Variants in SLMAP observed in about 807,000 individuals in gnomAD.
SLMAP encodes the protein sarcolemmal membrane-associated protein.
In SLMAP, 44 loss-of-function variants were observed where a neutral mutation model predicts 128.8. The observed-to-expected ratio is 0.34, with a 90% CI of 0.27 to 0.44. The LOEUF is 0.44. Ranked by LOEUF, SLMAP falls within the 20% of genes least tolerant of loss-of-function variation. SLMAP has a pLI of 1.00. For missense variants in SLMAP, 787 were observed against 985.3 expected (o/e 0.80, Z 2.69); for synonymous variants, 327 against 348.8 (o/e 0.94, Z 0.70).
At chr3:57,851,834 T>C (rs926631021) in intron 6 of SLMAP, among the ~76,000 whole-genome samples, 3 of 152,196 alleles carry the variant, frequency 2.0e-5, no homozygotes, top group Admixed American at 1.3e-4. Context: ...TTTTGTGACC[T>C]TGAGTGAGTC....
At position 57,825,663 on chromosome 3, in the gene SLMAP, A is replaced by T. The variant is rs1439509932; in HGVS notation, c.199-5720A>T. On this transcript the variant is annotated intron_variant, in intron 2 of 24. Coordinates refer to ENST00000671191, the MANE Select transcript of SLMAP (RefSeq NM_001377540.1). ...GAGTTCTGAGTTAGGCAAAACAAAGATGAAAGCCTTGCACCAGTTCTTCCT... is the reference window on the plus strand; with the variant it reads ...GAGTTCTGAGTTAGGCAAAACAAAGTTGAAAGCCTTGCACCAGTTCTTCCT... 3.9e-5 allele frequency among the ~76,000 whole-genome samples: 6 copies of T among 152,164 alleles called. No individual in the cohort carries two copies. The East Asian group carries it at 1.2e-3, about 29-fold the overall frequency.
rs1395819653 is a variant in SLMAP at position 57,912,782 on chromosome 3, G to C, written c.2020+81G>C. ...ACTTGTTTAAAAAAGAAACATGCAG[G>C]CTTTTTTTTTCTTTGTTAGCTATCA... On this transcript the variant is annotated intron_variant, in intron 20 of 24. Transcript: ENST00000671191. 5 of 1,109,122 alleles carry C rather than the reference G, an allele frequency of 4.5e-6. No homozygotes were observed. In the African/African-American group the frequency reaches 4.7e-5, roughly 11 times the overall value. The allele number at this position is 1,109,122 out of a possible 1,614,324, so 68.7% of individuals were successfully genotyped here.
chr3:57,865,434 A>G (rs1006019831), intron 13 of SLMAP, 142 bp downstream of exon 13: 134 of 437,412 alleles, frequency 3.1e-4, no homozygotes, highest in Admixed American at 3.5e-4. Flanking sequence ...TTAAAAATCA[A>G]GCTTTCCTTT....
At chr3:57,769,523 C>T (rs1227886182) in intron 2 of SLMAP, among the ~76,000 whole-genome samples, 1 of 152,030 alleles carries the variant, frequency 6.6e-6, no homozygotes, top group African/African-American at 2.4e-5. Context: ...CAAGGTCTCA[C>T]TATGTTGCCC....
Position 57,896,906 on chromosome 3 carries a change from CTCT to C in SLMAP, c.1477_1479del (p.Leu493del). 1 of 1,612,416 alleles carries C rather than the reference CTCT, an allele frequency of 6.2e-7. No homozygotes were observed. Among genetic ancestry groups the C allele is most frequent in the Non-Finnish European group, 8.5e-7 (1 of 1,179,496 alleles). The stretch of plus-strand genomic sequence containing the variant: ...ATGGATGAGCAAGACCTAAATGAGC[CTCT>C]TGCCAAAGTGTCCCTTTTAAAAGGT... On this transcript the variant is annotated inframe_deletion, in exon 17 of 25. Transcript: ENST00000671191.
intron 2 of SLMAP, among the ~76,000 whole-genome samples, chr3:57,780,430 C>A (rs1395001354): frequency 6.6e-6 from 1 of 152,118 alleles, no homozygotes; most frequent in Non-Finnish European, 1.5e-5. Flanking sequence ...CAGGCAAGAA[C>A]CACCATGCCC....
intron 3 of SLMAP, among the ~76,000 whole-genome samples, chr3:57,833,938 AG>A (rs1296242346): frequency 6.6e-6 from 1 of 152,208 alleles, no homozygotes; most frequent in Non-Finnish European, 1.5e-5. Context: ...CCAGAAAAAA[AG>A]TATTGATTTT....
At chr3:57,892,025 T>A (rs1055496203) in intron 15 of SLMAP, among the ~76,000 whole-genome samples, 1 of 152,196 alleles carries the variant, frequency 6.6e-6, no homozygotes, top group Non-Finnish European at 1.5e-5. Flanking sequence ...TGTAAATGAA[T>A]AGAATATATT....
intron 4 of SLMAP, among the ~76,000 whole-genome samples, chr3:57,843,082 G>A (rs1048270208): frequency 6.6e-6 from 1 of 152,092 alleles, no homozygotes; most frequent in East Asian, 1.9e-4. Flanking sequence ...AACTTTAGCT[G>A]TTTCTATTAC....
chr3:57,790,710 TCTC>T (rs1412961880), intron 2 of SLMAP, among the ~76,000 whole-genome samples: 1 of 152,162 alleles, frequency 6.6e-6, no homozygotes, highest in Non-Finnish European at 1.5e-5. Flanking sequence ...GACTAATAAT[TCTC>T]CTGAATTTAT....
intron 2 of SLMAP, among the ~76,000 whole-genome samples, chr3:57,779,606 C>T (rs2082614454): frequency 6.6e-6 from 1 of 151,424 alleles, no homozygotes; most frequent in Admixed American, 6.6e-5. Flanking sequence ...GAATGATAAG[C>T]AATCCTTGTG....
chr3:57,760,685 C>T (rs2078443188), intron 2 of SLMAP, among the ~76,000 whole-genome samples: 2 of 151,828 alleles, frequency 1.3e-5, no homozygotes, highest in South Asian at 4.2e-4. Flanking sequence ...TGCCACTGCA[C>T]TCCAGCCTGG....
At chr3:57,889,525 T>C (rs569104994) in intron 14 of SLMAP, among the ~76,000 whole-genome samples, 1 of 152,308 alleles carries the variant, frequency 6.6e-6, no homozygotes, top group African/African-American at 2.4e-5. Flanking sequence ...GCATTATACA[T>C]TTACAGAAAA....
chr3:57,869,482 TG>T (rs1277896160), intron 13 of SLMAP, among the ~76,000 whole-genome samples: 2 of 150,876 alleles, frequency 1.3e-5, no homozygotes, highest in Admixed American at 1.3e-4. Context: ...CTGGGTGCAG[TG>T]GTACATGCCT....
chr3:57,830,927 A>G (rs530485160), intron 2 of SLMAP, among the ~76,000 whole-genome samples: 4 of 152,210 alleles, frequency 2.6e-5, no homozygotes, highest in Non-Finnish European at 5.9e-5. Flanking sequence ...TTATTGCCAA[A>G]TAATATTCAG....
At chr3:57,774,046 C>A (rs2081364568) in intron 2 of SLMAP, among the ~76,000 whole-genome samples, 1 of 151,980 alleles carries the variant, frequency 6.6e-6, no homozygotes, top group South Asian at 2.1e-4. Flanking sequence ...ATTGTCCAAG[C>A]AAAAGGTAGG....
intron 2 of SLMAP, among the ~76,000 whole-genome samples, chr3:57,795,491 A>T (rs542144369): frequency 6.6e-6 from 1 of 152,328 alleles, no homozygotes; most frequent in Non-Finnish European, 1.5e-5. Flanking sequence ...GTGAGCTGAG[A>T]TCACGCCACT....
intron 3 of SLMAP, among the ~76,000 whole-genome samples, chr3:57,833,970 T>C (rs1432086325): frequency 6.6e-6 from 1 of 152,174 alleles, no homozygotes; most frequent in East Asian, 1.9e-4. Context: ...TAAACAGTGC[T>C]GTGATAACTT....
At chr3:57,906,991 CA>C (rs1480478138) in intron 17 of SLMAP, among the ~76,000 whole-genome samples, 4 of 150,924 alleles carry the variant, frequency 2.7e-5, no homozygotes, top group African/African-American at 9.7e-5. Flanking sequence ...TAGGTTACAT[CA>C]TTTAATATAT....
Sources: gnomAD v4.1 joint callset for allele counts (sites outside exome capture counted in the v4.1 genomes callset) on GRCh38, gnomAD v4.1.1 for gene constraint, MANE v1.5 for transcripts, NCBI Gene and HGNC (gene_info 2026-07-23, HGNC 2026-07-21) for gene names.